Variants in TMEM168 observed in about 807,000 individuals in gnomAD.
The protein encoded by TMEM168 is transmembrane protein 168.
TMEM168 carries 40 observed loss-of-function variants against 53.2 expected under a neutral mutation model. The observed-to-expected ratio is 0.75, with a 90% CI of 0.58 to 0.98. TMEM168 has a LOEUF of 0.98. Ranked by LOEUF, TMEM168 falls within the 50% of genes least tolerant of loss-of-function variation. TMEM168 has a pLI of 0.00. For synonymous variants in TMEM168, 282 were observed against 293.0 expected (o/e 0.96, Z 0.38); for missense variants, 771 against 828.8 (o/e 0.93, Z 0.86).
At chr7:112,776,329 T>G (rs1267860467) in intron 2 of TMEM168, among the ~76,000 whole-genome samples, 2 of 151,764 alleles carry the variant, frequency 1.3e-5, no homozygotes, top group Admixed American at 1.3e-4. Context: ...AGGTATTAAC[T>G]GCAATGAAAA....
chr7:112,767,805 C>T (rs1473074490), intron 4 of TMEM168, 61 bp from the exon 5 acceptor site: 9 of 1,426,014 alleles, frequency 6.3e-6, no homozygotes, highest in Middle Eastern at 1.8e-4. Context: ...TAAGAAAACC[C>T]TCTTAATCAT....
intron 1 of TMEM168, among the ~76,000 whole-genome samples, chr7:112,785,606 A>G (rs1249521598): frequency 6.6e-6 from 1 of 152,176 alleles, no homozygotes; most frequent in Non-Finnish European, 1.5e-5. Context: ...TCTAAACACT[A>G]TCTCTATAGC....
At position 112,784,266 on chromosome 7, in the gene TMEM168, A is replaced by G; in HGVS notation, c.560T>C (p.Leu187Pro). 6.2e-7 allele frequency: 1 copy of G among 1,614,190 alleles called. No homozygotes were observed. The highest frequency in any genetic ancestry group is 8.5e-7 in the Non-Finnish European group (1 of 1,180,018). The change falls in exon 2 of 5, where the codon CTG becomes CCG. Residue 187 changes from leucine (L) to proline (P), a missense_variant. By Grantham distance (98) the Leu-to-Pro change is moderately conservative. Coordinates refer to ENST00000312814, the MANE Select transcript of TMEM168 (RefSeq NM_022484.6). ...SLSVILLVVA[L>P]AMLIIDLRMK... ...TCTCAGATCAATAATCAGCATAGCC[A>G]GAGCTACAACAAGCAAAATGACACT...
chr7:112,773,190 C>A, intron 3 of TMEM168, 135 bp from the exon 4 acceptor site: 1 of 868,900 alleles, frequency 1.2e-6, no homozygotes. Context: ...ATCACCCTTT[C>A]TAAAATTCCT....
chr7:112,778,470 T>G (rs1483606815), intron 2 of TMEM168: 1 of 152,220 alleles, frequency 6.6e-6, no homozygotes, highest in East Asian at 1.9e-4. Flanking sequence ...AAAACTTATT[T>G]TATGTTTCTG....
chr7:112,779,839 A>G (rs1277124330), intron 2 of TMEM168, among the ~76,000 whole-genome samples: 2 of 152,230 alleles, frequency 1.3e-5, no homozygotes, highest in Non-Finnish European at 2.9e-5. Context: ...ATTTACATAA[A>G]CATATACGGC....
rs71155069 is a variant in TMEM168, at chr7:112,787,713, A to ATTTTTTTTTT, written c.-129+2437_-129+2446dup. ...ACAGGCGTGAGCCACTGCGACTGGC[A>ATTTTTTTTTT]TTTTTTTTTTTTTTTTTTTTTTTTT... On this transcript the variant is annotated intron_variant, in intron 1 of 4. Coordinates refer to ENST00000312814, the MANE Select transcript of TMEM168 (RefSeq NM_022484.6). Among the ~76,000 whole-genome samples the ATTTTTTTTTT allele has an allele frequency of 9.0e-4, 35 of 38,786 alleles. 1 individual carries two copies. The highest frequency in any genetic ancestry group is 2.6e-3 in the African/African-American group (24 of 9,356). 25.4% of individuals were successfully genotyped at this position (38,786 alleles called of 152,430 possible).
At chr7:112,775,136 G>A (rs767189977) in intron 3 of TMEM168, 40 bp downstream of exon 3, 1 of 1,477,912 alleles carries the variant, frequency 6.8e-7, no homozygotes, top group South Asian at 1.5e-5. Flanking sequence ...AAAATGTTAT[G>A]AAGTGAATAG....
intron 3 of TMEM168, 128 bp downstream of exon 3, chr7:112,775,048 A>C: frequency 1.4e-6 from 1 of 727,276 alleles, no homozygotes; most frequent in Non-Finnish European, 2.0e-6. Flanking sequence ...GTTTGTTAAA[A>C]ATTTGGAAGA....
Position 112,767,829 on chromosome 7 carries a change from G to A in TMEM168, c.1547-85C>T, listed in dbSNP as rs530501553. ...CCTCTTAATCATTTTCTTCTAGAGA[G>A]AAAATACTCTTGTTATACATGTATT... On this transcript the variant is annotated intron_variant, in intron 4 of 4. Transcript: ENST00000312814. 2,380 of 1,237,660 alleles carry A rather than the reference G, an allele frequency of 1.9e-3. 4 individuals carry two copies. Among genetic ancestry groups the A allele is most frequent in the Non-Finnish European group, 2.5e-3 (2,277 of 900,544 alleles). The allele number at this position is 1,237,660 out of a possible 1,614,324, so 76.7% of individuals were successfully genotyped here.
chr7:112,771,441 G>A (rs1792928560), intron 4 of TMEM168, among the ~76,000 whole-genome samples: 1 of 152,070 alleles, frequency 6.6e-6, no homozygotes, highest in Non-Finnish European at 1.5e-5. Context: ...CAGAAGTGAT[G>A]GTATCTATCT....
Position 112,773,024 on chromosome 7 carries a change from C to G in TMEM168, c.1303G>C (p.Glu435Gln). 1 of 1,609,308 alleles carries G rather than the reference C, an allele frequency of 6.2e-7. No homozygotes were observed. The highest frequency in any genetic ancestry group is 8.5e-7 in the Non-Finnish European group (1 of 1,176,142). Residue 435 changes from glutamate (E) to glutamine (Q), a missense_variant, in exon 4 of 5, where the codon GAA becomes CAA. Glu to Gln is a conservative substitution (Grantham distance 29). Coordinates refer to ENST00000312814, the MANE Select transcript of TMEM168 (RefSeq NM_022484.6). ...CTCAAATTTAACTCCTGTACATGTTCTGGGGGAAGCAGTGTTGGCTGACCA... is the reference window on the plus strand; with the variant it reads ...CTCAAATTTAACTCCTGTACATGTTGTGGGGGAAGCAGTGTTGGCTGACCA... ...PDGQPTLLPP[E>Q]HVQELNLRST...
intron 2 of TMEM168, among the ~76,000 whole-genome samples, chr7:112,777,823 A>G (rs1284630965): frequency 6.6e-6 from 1 of 150,676 alleles, no homozygotes; most frequent in Non-Finnish European, 1.5e-5. Context: ...TCTGTTTGAT[A>G]ATTCCAATAC....
At position 112,784,319 on chromosome 7, in the gene TMEM168, G is replaced by C; in HGVS notation, c.507C>G (p.Ser169Arg). Residue 169 changes from serine (S) to arginine (R), a missense_variant, in exon 2 of 5, where the codon AGC becomes AGG. Transcript: ENST00000312814. ...FLELVGFAIA[S>R]TTMLVEKSLS... ...GAGACTTCTCCACCAACATAGTTGT[G>C]CTGGCAATGGCAAATCCAACAAGCT... is the stretch of plus-strand genomic sequence containing the variant. 2 of 1,614,178 alleles carry C rather than the reference G, an allele frequency of 1.2e-6. No homozygotes were observed. Among genetic ancestry groups the C allele is most frequent in the Non-Finnish European group, 1.7e-6 (2 of 1,180,026 alleles).
intron 2 of TMEM168, among the ~76,000 whole-genome samples, chr7:112,777,328 A>T: frequency 6.6e-6 from 1 of 151,584 alleles, no homozygotes; most frequent in Non-Finnish European, 1.5e-5. Context: ...CTACAGAAAC[A>T]CTCAATTGTT....
At chr7:112,782,533 AC>A (rs1793259174) in intron 2 of TMEM168, among the ~76,000 whole-genome samples, 1 of 152,120 alleles carries the variant, frequency 6.6e-6, no homozygotes, top group South Asian at 2.1e-4. Context: ...CATAATTCTG[AC>A]AGTACCTAAC....
chr7:112,765,280 T>G lies in TMEM168; in HGVS notation c.*1917A>C, dbSNP rs1444236041. On this transcript the variant is annotated 3_prime_UTR_variant, in exon 5 of 5. Transcript: ENST00000312814. ...CTTGGCCCAAAGACCATTTTTGGTT[T>G]TACTTTCACAGGAAATACATATGAA... 6.6e-6 allele frequency: 1 copy of G among 152,198 alleles called. No individual in the cohort carries two copies. The highest frequency in any genetic ancestry group is 2.4e-5 in the African/African-American group (1 of 41,456). 9.4% of individuals were successfully genotyped at this position (152,198 alleles called of 1,614,324 possible). A position where few individuals can be genotyped will look rare whatever the true frequency, so the allele number is the denominator to read the frequency against.
In TMEM168 at chr7:112,762,465, T is replaced by G. The variant is rs1792689373; in HGVS notation, c.*4732A>C. 1 of 152,066 alleles carries G rather than the reference T, an allele frequency of 6.6e-6. No homozygotes were observed. Among genetic ancestry groups the G allele is most frequent in the Admixed American group, 6.6e-5 (1 of 15,262 alleles). 9.4% of individuals were successfully genotyped at this position (152,066 alleles called of 1,614,324 possible). On this transcript the variant is annotated 3_prime_UTR_variant, in exon 5 of 5. Transcript: ENST00000312814. ...TACTTGGCATTGAGTGAACACTGCT[T>G]GTCTAGGAAGCTATGTCATACTCAT...
At position 112,773,010 on chromosome 7, in the gene TMEM168, C is replaced by T; in HGVS notation, c.1317G>A (p.Glu439=). The change falls in exon 4 of 5, where the codon GAG becomes GAA. Residue 439 remains glutamate (E), a synonymous_variant. Coordinates refer to ENST00000312814, the MANE Select transcript of TMEM168 (RefSeq NM_022484.6). ...PTLLPPEHVQ[E]LNLRSTGMLN... Reference sequence around the variant, plus strand: ...GCATGCCAGTAGACCTCAAATTTAACTCCTGTACATGTTCTGGGGGAAGCA... The same window carrying T: ...GCATGCCAGTAGACCTCAAATTTAATTCCTGTACATGTTCTGGGGGAAGCA... 1 of 1,613,152 alleles carries T rather than the reference C, an allele frequency of 6.2e-7. No individual in the cohort carries two copies. The highest frequency in any genetic ancestry group is 8.5e-7 in the Non-Finnish European group (1 of 1,179,224).
Sources: allele counts gnomAD v4.1 joint callset (sites outside exome capture counted in the v4.1 genomes callset), GRCh38; gene constraint gnomAD v4.1.1; transcripts MANE v1.5; gene names NCBI Gene and HGNC (gene_info 2026-07-23, HGNC 2026-07-21).